The following SASH1 variants were observed in gnomAD, a reference collection of about 807,000 sequenced individuals.
SASH1 encodes the protein SAM and SH3 domain-containing protein 1.
Under a neutral mutation model 125.2 loss-of-function variants are expected in SASH1, and 44 were observed. The ratio of observed to expected loss-of-function variants is 0.35; its 90% confidence interval spans 0.28 to 0.45. The LOEUF (loss-of-function observed/expected upper bound fraction) is 0.45, where lower values mean the gene tolerates loss of function less well. Ranked by LOEUF, SASH1 falls within the 20% of genes least tolerant of loss-of-function variation. The pLI, the probability that SASH1 is intolerant of heterozygous loss-of-function variation, is 1.00. For missense variants in SASH1, 1,426 were observed against 1,614.5 expected, an observed-to-expected ratio of 0.88 and a Z score of 2.00; for synonymous variants, 639 against 649.1, an observed-to-expected ratio of 0.98 and a Z score of 0.24.
chr6:148,348,968 C>T (rs898270719), intron 1 of SASH1, among the ~76,000 whole-genome samples: 8 of 152,212 alleles, frequency 5.3e-5, no homozygotes, highest in African/African-American at 1.7e-4. Flanking sequence ...AGCGTCTGGG[C>T]GGCCCCTACC....
chr6:148,444,804 T>A (rs1044728383), intron 4 of SASH1, among the ~76,000 whole-genome samples: 2 of 152,184 alleles, frequency 1.3e-5, no homozygotes, highest in African/African-American at 4.8e-5. Flanking sequence ...AAAGCAAGTT[T>A]ATCAGAGAAG....
chr6:148,449,079 T>TTG (rs1554258786), intron 4 of SASH1, among the ~76,000 whole-genome samples: 3 of 61,428 alleles, frequency 4.9e-5, no homozygotes, highest in Non-Finnish European at 1.1e-4. Context: ...ATTTCATTTC[T>TTG]TTTTTTTTTT....
chr6:148,274,366 A>C (rs1262657258), intron 1 of SASH1, among the ~76,000 whole-genome samples: 1 of 152,234 alleles, frequency 6.6e-6, no homozygotes, highest in Non-Finnish European at 1.5e-5. Context: ...TAATGTTTTC[A>C]GTCCAAATGC....
intron 2 of SASH1, among the ~76,000 whole-genome samples, chr6:148,437,205 C>T (rs1776329282): frequency 6.6e-6 from 1 of 152,124 alleles, no homozygotes; most frequent in Non-Finnish European, 1.5e-5. Context: ...ATAGTTTATT[C>T]CATTTTTCTT....
At chr6:148,438,725 C>CAAAA (rs60769463) in intron 2 of SASH1, among the ~76,000 whole-genome samples, 37 of 96,420 alleles carry the variant, frequency 3.8e-4, no homozygotes, top group African/African-American at 1.3e-3. Flanking sequence ...TTCATTGTGG[C>CAAAA]AAAAAAAAAA....
chr6:148,320,012 T>C (rs1780599347), intron 1 of SASH1, among the ~76,000 whole-genome samples: 1 of 152,218 alleles, frequency 6.6e-6, no homozygotes, highest in Admixed American at 6.5e-5. Context: ...TTATTTTGCC[T>C]CATGATGGCC....
At chr6:148,388,799 A>G (rs1045960088) in intron 1 of SASH1, among the ~76,000 whole-genome samples, 14 of 152,226 alleles carry the variant, frequency 9.2e-5, no homozygotes, top group Admixed American at 4.6e-4. Context: ...GTGTGTTGCT[A>G]TGGGCAGTGC....
the SASH1 span, among the ~76,000 whole-genome samples, chr6:148,210,989 C>G: frequency 3.3e-5 from 5 of 152,186 alleles, no homozygotes; most frequent in Non-Finnish European, 7.3e-5. Context: ...TTGTAACAGT[C>G]TAACTCTGTT....
intron 1 of SASH1, among the ~76,000 whole-genome samples, chr6:148,285,392 A>G (rs560492158): frequency 6.6e-6 from 1 of 152,344 alleles, no homozygotes; most frequent in East Asian, 1.9e-4. Context: ...TAATCGAGAT[A>G]AGCATCTAGC....
At chr6:148,248,808 TCTG>T in the SASH1 span, among the ~76,000 whole-genome samples, 1 of 152,212 alleles carries the variant, frequency 6.6e-6, no homozygotes, top group Admixed American at 6.5e-5. Context: ...TGTGAGAAAA[TCTG>T]CTCCTTATTT....
chr6:148,409,604 A>G (rs1183409057), intron 2 of SASH1, among the ~76,000 whole-genome samples: 1 of 152,214 alleles, frequency 6.6e-6, no homozygotes, highest in African/African-American at 2.4e-5. Context: ...TGTGTTTTTA[A>G]TAAATGTGAA....
At chr6:148,452,825 T>G (rs1468504315) in intron 4 of SASH1, among the ~76,000 whole-genome samples, 12 of 152,214 alleles carry the variant, frequency 7.9e-5, no homozygotes, top group Non-Finnish European at 2.9e-5. Context: ...CATGGTCCCC[T>G]AAAATATGCC....
intron 4 of SASH1, among the ~76,000 whole-genome samples, chr6:148,447,909 G>A (rs1043055168): frequency 2.6e-4 from 39 of 151,968 alleles, no homozygotes; most frequent in Non-Finnish European, 5.1e-4. Context: ...CTCCTTCAGC[G>A]GGATACTCTG....
At chr6:148,326,386 T>A (rs1266724798) in intron 1 of SASH1, among the ~76,000 whole-genome samples, 30 of 63,234 alleles carry the variant, frequency 4.7e-4, no homozygotes, top group African/African-American at 8.3e-4. Flanking sequence ...ATTCTTTTCT[T>A]TTCTTTTCTT....
intron 10 of SASH1, among the ~76,000 whole-genome samples, chr6:148,523,622 G>A (rs1052640296): frequency 1.2e-4 from 18 of 152,124 alleles, no homozygotes; most frequent in Admixed American, 3.3e-4. Flanking sequence ...CAGTTGTCAC[G>A]AAATGCTTTC....
the SASH1 span, among the ~76,000 whole-genome samples, chr6:148,254,075 C>T: frequency 4.6e-3 from 701 of 151,744 alleles, 7 homozygotes; most frequent in African/African-American, 0.016. Flanking sequence ...GCATTGGTGG[C>T]GTGCACCTGT....
At chr6:148,195,709 A>G in the SASH1 span, among the ~76,000 whole-genome samples, 1 of 152,042 alleles carries the variant, frequency 6.6e-6, no homozygotes, top group African/African-American at 2.4e-5. Flanking sequence ...GCTGGTGGCA[A>G]CTCATTAGCC....
chr6:148,411,092 G>A (rs1267306024), intron 2 of SASH1, among the ~76,000 whole-genome samples: 1 of 142,452 alleles, frequency 7.0e-6, no homozygotes, highest in Non-Finnish European at 1.5e-5. Context: ...CCAGGAGGCA[G>A]AGGTTGCGGT....
chr6:148,545,073 A>T (rs1782479084), intron 18 of SASH1, among the ~76,000 whole-genome samples: 1 of 152,244 alleles, frequency 6.6e-6, no homozygotes, highest in Non-Finnish European at 1.5e-5. Flanking sequence ...TACTAGGAGC[A>T]AATAAAATAA....
Sources: allele counts gnomAD v4.1 joint callset (sites outside exome capture counted in the v4.1 genomes callset), GRCh38; gene constraint gnomAD v4.1.1; transcripts MANE v1.5; gene names NCBI Gene and HGNC (gene_info 2026-07-23, HGNC 2026-07-21).